Variants in PRRC2B observed in about 807,000 individuals in gnomAD.
PRRC2B encodes the protein proline rich coiled-coil 2B.
In PRRC2B, 68 loss-of-function variants were observed where a neutral mutation model predicts 242.3. That is an observed-to-expected ratio of 0.28 (90% CI 0.23 to 0.34). PRRC2B has a LOEUF of 0.34. Among genes scored for constraint, PRRC2B ranks in the 10% least tolerant of loss-of-function variants. The pLI is 1.00. For synonymous variants in PRRC2B, 1,228 were observed against 1,173.6 expected (o/e 1.05, Z -0.95); for missense variants, 2,835 against 2,954.8 (o/e 0.96, Z 0.94).
chr9:131,397,726 T>C (rs900461515), intron 1 of PRRC2B, among the ~76,000 whole-genome samples: 7 of 152,138 alleles, frequency 4.6e-5, no homozygotes, highest in Non-Finnish European at 1.0e-4. Context: ...GGTCAATTCA[T>C]GTATTTCTGA....
chr9:131,450,372 A>G (rs1036991157), intron 9 of PRRC2B, among the ~76,000 whole-genome samples: 2 of 150,578 alleles, frequency 1.3e-5, no homozygotes, highest in African/African-American at 4.9e-5. Flanking sequence ...GGTTCAAGTG[A>G]TTATCTTGCC....
At chr9:131,430,911 C>T (rs1838145825) in intron 2 of PRRC2B, among the ~76,000 whole-genome samples, 1 of 150,846 alleles carries the variant, frequency 6.6e-6, no homozygotes, top group Non-Finnish European at 1.5e-5. Flanking sequence ...GGATTTTTAT[C>T]CTGATGGGTA....
intron 4 of PRRC2B, among the ~76,000 whole-genome samples, chr9:131,437,698 C>T (rs891297862): frequency 1.3e-5 from 2 of 152,360 alleles, no homozygotes; most frequent in Middle Eastern, 3.4e-3. Flanking sequence ...TAACACTGAA[C>T]CGTGCTTTTA....
intron 1 of PRRC2B, among the ~76,000 whole-genome samples, chr9:131,395,800 GA>G (rs910083246): frequency 1.3e-5 from 2 of 152,204 alleles, no homozygotes; most frequent in African/African-American, 4.8e-5. Context: ...GCAGGGATGG[GA>G]AAAAGTAGCA....
chr9:131,401,539 C>T (rs191480949), intron 1 of PRRC2B, among the ~76,000 whole-genome samples: 11 of 151,912 alleles, frequency 7.2e-5, no homozygotes, highest in Admixed American at 5.2e-4. Flanking sequence ...TTTGTAGAGA[C>T]GGGGTTTCAC....
chr9:131,433,112 T>C (rs896692133), intron 3 of PRRC2B, among the ~76,000 whole-genome samples: 1 of 152,218 alleles, frequency 6.6e-6, no homozygotes, highest in African/African-American at 2.4e-5. Flanking sequence ...GAGGAGCTTA[T>C]GCAATGACTC....
In PRRC2B at chr9:131,487,736, T is replaced by G; in HGVS notation, c.5985-120T>G. 7.3e-7 allele frequency: 1 copy of G among 1,366,984 alleles called. No homozygotes were observed. Among genetic ancestry groups the G allele is most frequent in the Non-Finnish European group, 9.8e-7 (1 of 1,016,186 alleles). 84.7% of individuals were successfully genotyped at this position (1,366,984 alleles called of 1,614,324 possible). ...CCATCCTGGACCCTCTGAGTCGCGC[T>G]CTGGGGGTGGGGCCGGGGATCTGTG... On this transcript the variant is annotated intron_variant, in intron 27 of 31. Coordinates refer to ENST00000683519, the MANE Select transcript of PRRC2B (RefSeq NM_013318.4). This position sits in a 1 kb window ranked among gnomAD's most constrained non-coding sequence, Gnocchi z 5.3.
chr9:131,425,334 G>C (rs1457871497), intron 1 of PRRC2B, among the ~76,000 whole-genome samples: 1 of 152,004 alleles, frequency 6.6e-6, no homozygotes, highest in African/African-American at 2.4e-5. Flanking sequence ...GGGGAAGTAT[G>C]AATCAAACCT....
At chr9:131,410,335 A>C (rs1564276133) in intron 1 of PRRC2B, among the ~76,000 whole-genome samples, 1 of 152,188 alleles carries the variant, frequency 6.6e-6, no homozygotes, top group Non-Finnish European at 1.5e-5. Flanking sequence ...ATTAGAGTAA[A>C]GATAACAGTG....
intron 11 of PRRC2B, 21 bp downstream of exon 11, chr9:131,459,377 T>C (rs550953611): frequency 6.3e-7 from 1 of 1,598,990 alleles, no homozygotes; most frequent in Admixed American, 1.8e-5. Flanking sequence ...CCCTTGGCTG[T>C]CCTGTGTATT....
Position 131,415,498 on chromosome 9 carries a change from G to A in PRRC2B, c.-51-14596G>A, listed in dbSNP as rs1175968429. Among the ~76,000 whole-genome samples the A allele has an allele frequency of 3.3e-5, 5 of 152,350 alleles. No individual in the cohort carries two copies. The East Asian group carries it at 9.6e-4, about 29-fold the overall frequency. On this transcript the variant is annotated intron_variant, in intron 1 of 31. Coordinates refer to ENST00000683519, the MANE Select transcript of PRRC2B (RefSeq NM_013318.4). ...GGAGGAAGGGAGAATTAACTGCTGG[G>A]TAGGCAGACAGGAGTGGTCCCACTA...
chr9:131,427,513 G>T (rs1192686647), intron 1 of PRRC2B, among the ~76,000 whole-genome samples: 1 of 152,060 alleles, frequency 6.6e-6, no homozygotes, highest in Non-Finnish European at 1.5e-5. Context: ...TGTATTTTTA[G>T]TAGAGAAGGG....
intron 1 of PRRC2B, among the ~76,000 whole-genome samples, chr9:131,423,617 C>T (rs886463065): frequency 9.2e-5 from 14 of 152,182 alleles, no homozygotes; most frequent in African/African-American, 2.2e-4. Flanking sequence ...TCCTGACTGC[C>T]GTAAAGCAGG....
chr9:131,472,999 C>T (rs1019286168), intron 14 of PRRC2B, among the ~76,000 whole-genome samples: 3 of 152,138 alleles, frequency 2.0e-5, no homozygotes, highest in African/African-American at 7.2e-5. Flanking sequence ...AATCTGAAGT[C>T]TTTGTCCCTT....
chr9:131,450,393 G>T (rs367718435), intron 9 of PRRC2B, among the ~76,000 whole-genome samples: 1 of 150,346 alleles, frequency 6.7e-6, no homozygotes, highest in East Asian at 2.0e-4. Flanking sequence ...TCAGCCTCCC[G>T]AGTAGCTGGA....
chr9:131,433,007 C>G lies in PRRC2B; in HGVS notation c.293+213C>G, dbSNP rs1290406846. 2.0e-5 allele frequency among the ~76,000 whole-genome samples: 3 copies of G among 152,188 alleles called. No homozygotes were observed. In the East Asian group the frequency reaches 5.8e-4, roughly 29 times the overall value. ...TTTTCCCTGCCTTCATTTTTTCTGG[C>G]TTTTAGAGCCGATGGAGCAGCACAT... On this transcript the variant is annotated intron_variant, in intron 3 of 31. Coordinates refer to ENST00000683519, the MANE Select transcript of PRRC2B (RefSeq NM_013318.4).
At chr9:131,425,042 C>T (rs148938124) in intron 1 of PRRC2B, among the ~76,000 whole-genome samples, 2,537 of 152,234 alleles carry the variant, frequency 0.017, 81 homozygotes, top group African/African-American at 0.058. Flanking sequence ...TCTTGGCTCA[C>T]TGCAGCCTCT....
At chr9:131,486,443 G>A (rs925975016) in intron 26 of PRRC2B, 22 of 973,452 alleles carry the variant, frequency 2.3e-5, no homozygotes, top group African/African-American at 1.2e-4. Context: ...TGTCCTAGCC[G>A]GGGAATTAGC....
At chr9:131,380,987 T>C (rs1320213072) in intron 1 of PRRC2B, among the ~76,000 whole-genome samples, 1 of 152,224 alleles carries the variant, frequency 6.6e-6, no homozygotes, top group Middle Eastern at 3.4e-3. Flanking sequence ...GTTGTCTCAC[T>C]TTTTTGACAT....
Sources: gnomAD v4.1 joint callset for allele counts (sites outside exome capture counted in the v4.1 genomes callset) on GRCh38, gnomAD v4.1.1 for gene constraint, Gnocchi (gnomAD v3.1) non-coding constraint, MANE v1.5 for transcripts, NCBI Gene and HGNC (gene_info 2026-07-23, HGNC 2026-07-21) for gene names.